Variants in LCA5 observed in about 807,000 individuals in gnomAD.
The protein encoded by LCA5 is lebercilin.
A neutral mutation model predicts 53.0 loss-of-function variants in LCA5; 37 were observed. That is an observed-to-expected ratio of 0.70 (90% CI 0.54 to 0.92). LCA5 has a LOEUF of 0.92. Among genes scored for constraint, LCA5 ranks in the 40% least tolerant of loss-of-function variants. The pLI is 0.00. For missense variants in LCA5, 806 were observed against 790.5 expected, an observed-to-expected ratio of 1.02 and a Z score of -0.23; for synonymous variants, 303 against 282.9, an observed-to-expected ratio of 1.07 and a Z score of -0.71.
chr6:79,536,505 T>G (rs1391905756), intron 1 of LCA5, among the ~76,000 whole-genome samples: 1 of 152,254 alleles, frequency 6.6e-6, no homozygotes, highest in Non-Finnish European at 1.5e-5. Context: ...TCCCACGGTC[T>G]ATCTAACGTA....
At chr6:79,537,635 G>C, upstream of LCA5, among the ~76,000 whole-genome samples, 1 of 152,194 alleles carries the variant, frequency 6.6e-6, no homozygotes, top group African/African-American at 2.4e-5. Context: ...AGCGCTCCAG[G>C]CTCCTACGGG....
In LCA5 at chr6:79,485,264, A is replaced by C. The variant is rs529020171; in HGVS notation, c.*1740T>G. On this transcript the variant is annotated 3_prime_UTR_variant, in exon 8 of 8. Coordinates refer to ENST00000369846, the MANE Select transcript of LCA5 (RefSeq NM_001122769.3). ...CTAATTTAAATGACGTGAATAAAAA[A>C]CTTAACTAAAAAGTTTTAAAAGCCT... 7.2e-5 allele frequency: 11 copies of C among 152,700 alleles called. No individual in the cohort carries two copies. The South Asian group carries it at 2.3e-3, about 32-fold the overall frequency. The allele number at this position is 152,700 out of a possible 1,614,324, so 9.5% of individuals were successfully genotyped here. A position where few individuals can be genotyped will look rare whatever the true frequency, so the allele number is the denominator to read the frequency against.
chr6:79,495,705 C>T (rs540893830), intron 3 of LCA5, among the ~76,000 whole-genome samples: 187 of 146,758 alleles, frequency 1.3e-3, no homozygotes, highest in African/African-American at 4.5e-3. Context: ...GAGCCGAGAT[C>T]ATGCCACTGC....
At chr6:79,490,944 C>T (rs1378044580) in intron 6 of LCA5, among the ~76,000 whole-genome samples, 5 of 151,926 alleles carry the variant, frequency 3.3e-5, no homozygotes, top group African/African-American at 1.2e-4. Context: ...AACAGAGACC[C>T]CTTGAATTCC....
At chr6:79,511,300 AG>A (rs1158415398) in intron 3 of LCA5, among the ~76,000 whole-genome samples, 1 of 152,208 alleles carries the variant, frequency 6.6e-6, no homozygotes, top group Non-Finnish European at 1.5e-5. Flanking sequence ...TGGAATACTC[AG>A]GGAGAAAGGA....
rs999779335 is a variant in LCA5 at position 79,490,274 on chromosome 6, A to T, written c.1099-1058T>A. ...TCTAAAGAGCTTTATAAATGTCATGATTATTTCCAATTTCATCTGACTAAA... is the reference window on the plus strand; with the variant it reads ...TCTAAAGAGCTTTATAAATGTCATGTTTATTTCCAATTTCATCTGACTAAA... On this transcript the variant is annotated intron_variant, in intron 6 of 7. Coordinates refer to ENST00000369846, the MANE Select transcript of LCA5 (RefSeq NM_001122769.3). Among the ~76,000 whole-genome samples, 5 of 150,876 alleles carry T rather than the reference A, an allele frequency of 3.3e-5. No homozygotes were observed. The South Asian group carries it at 1.0e-3, about 32-fold the overall frequency.
At chr6:79,509,946 T>G (rs181022998) in intron 3 of LCA5, among the ~76,000 whole-genome samples, 1 of 152,294 alleles carries the variant, frequency 6.6e-6, no homozygotes, top group Admixed American at 6.5e-5. Context: ...CTATGTTTAA[T>G]GCAATTCCTA....
chr6:79,535,740 G>C (rs571650975), intron 1 of LCA5, among the ~76,000 whole-genome samples: 132 of 152,254 alleles, frequency 8.7e-4, no homozygotes, highest in Admixed American at 6.0e-3. Flanking sequence ...AAAATTGGGA[G>C]AGTGTTAATA....
chr6:79,530,315 A>G (rs1285599856), intron 1 of LCA5, among the ~76,000 whole-genome samples: 2 of 152,126 alleles, frequency 1.3e-5, no homozygotes, highest in Non-Finnish European at 2.9e-5. Context: ...ATGAGAACAC[A>G]TGGACATATA....
At chr6:79,497,171 C>A (rs1211181712) in intron 3 of LCA5, among the ~76,000 whole-genome samples, 4 of 152,136 alleles carry the variant, frequency 2.6e-5, no homozygotes, top group African/African-American at 9.7e-5. Flanking sequence ...GAAAGAGCAT[C>A]ATGATAAATA....
Position 79,487,458 on chromosome 6 carries a change from G to C in LCA5, c.1640C>G (p.Ser547Cys). The C allele has an allele frequency of 6.2e-7, 1 of 1,614,026 alleles. No homozygotes were observed. The highest frequency in any genetic ancestry group is 8.5e-7 in the Non-Finnish European group (1 of 1,179,934). ...QNSGNVRSPA[S>C]PNEFAFGSYV... ...GCTACCAAATGCGAACTCATTAGGG[G>C]AGGCTGGACTTCTAACATTTCCTGA... The change falls in exon 8 of 8, where the codon TCC (serine) becomes TGC (cysteine). Residue 547 changes from serine (S) to cysteine (C), a missense_variant. Coordinates refer to ENST00000369846, the MANE Select transcript of LCA5 (RefSeq NM_001122769.3).
intron 3 of LCA5, among the ~76,000 whole-genome samples, chr6:79,512,026 T>A (rs1374897725): frequency 6.6e-6 from 1 of 152,156 alleles, no homozygotes; most frequent in Non-Finnish European, 1.5e-5. Flanking sequence ...TATATGTAGT[T>A]TTATATACAC....
intron 6 of LCA5, 102 bp downstream of exon 6, chr6:79,491,486 T>TA (rs1769840236): frequency 6.7e-6 from 8 of 1,193,924 alleles, no homozygotes; most frequent in Non-Finnish European, 1.0e-5. Context: ...TTCATATAGA[T>TA]ATAGTACTAG....
chr6:79,536,039 T>C (rs1327036240), intron 1 of LCA5, among the ~76,000 whole-genome samples: 1 of 152,228 alleles, frequency 6.6e-6, no homozygotes, highest in African/African-American at 2.4e-5. Flanking sequence ...AAATCTCTTT[T>C]CCAAAGTCAC....
chr6:79,513,372 T>C lies in LCA5; in HGVS notation c.560A>G (p.Lys187Arg). 6.2e-7 allele frequency: 1 copy of C among 1,614,008 alleles called. No individual in the cohort carries two copies. Among genetic ancestry groups the C allele is most frequent in the Non-Finnish European group, 8.5e-7 (1 of 1,179,920 alleles). Reference protein sequence around the residue: ...KSQEKERATEKRVKDTESELF... With the variant: ...KSQEKERATERRVKDTESELF... ...TTCACTTTCTGTATCTTTTACCCTT[T>C]TCTCAGTTGCCCGTTCTTTCTCTTG... Residue 187 changes from lysine (K) to arginine (R), a missense_variant, in exon 3 of 8, where the codon AAA becomes AGA. Transcript: ENST00000369846.
upstream of LCA5, among the ~76,000 whole-genome samples, chr6:79,537,655 G>C (rs552071693): frequency 6.6e-6 from 1 of 152,194 alleles, no homozygotes; most frequent in Non-Finnish European, 1.5e-5. Context: ...GCTGTGCGGT[G>C]CCAGGGCTCG....
intron 1 of LCA5, among the ~76,000 whole-genome samples, chr6:79,522,834 C>A (rs970117502): frequency 1.3e-5 from 2 of 151,982 alleles, no homozygotes; most frequent in Admixed American, 1.3e-4. Context: ...GCATGCGCCA[C>A]CACGCCCAGC....
intron 1 of LCA5, among the ~76,000 whole-genome samples, chr6:79,523,268 A>G (rs1486639264): frequency 6.6e-6 from 1 of 152,208 alleles, no homozygotes; most frequent in Non-Finnish European, 1.5e-5. Flanking sequence ...AAAAATATAC[A>G]TAAATCAGCC....
chr6:79,535,003 A>G (rs542691440), intron 1 of LCA5, among the ~76,000 whole-genome samples: 50 of 152,214 alleles, frequency 3.3e-4, no homozygotes, highest in Non-Finnish European at 5.1e-4. Flanking sequence ...AGACCATAAA[A>G]TAGCTCTTCT....
Sources: gnomAD v4.1 joint callset for allele counts (sites outside exome capture counted in the v4.1 genomes callset) on GRCh38, gnomAD v4.1.1 for gene constraint, MANE v1.5 for transcripts, NCBI Gene and HGNC (gene_info 2026-07-23, HGNC 2026-07-21) for gene names.